The following IGSF10 variants were observed in gnomAD, a reference collection of about 807,000 sequenced individuals.
IGSF10 encodes calvaria mechanical force protein 608.
In IGSF10, 126 loss-of-function variants were observed where a neutral mutation model predicts 128.2. The observed-to-expected ratio is 0.98, with a 90% CI of 0.85 to 1.14. IGSF10 has a LOEUF of 1.14. IGSF10 is among the 50% of genes most tolerant of loss of function. IGSF10 has a pLI of 0.00. For missense variants in IGSF10, 3,295 were observed against 3,149.8 expected (o/e 1.05, Z -1.10); for synonymous variants, 1,185 against 1,146.2 (o/e 1.03, Z -0.68).
chr3:151,476,972 A>G, the IGSF10 span, among the ~76,000 whole-genome samples: 1 of 152,126 alleles, frequency 6.6e-6, no homozygotes, highest in East Asian at 1.9e-4. Context: ...GCAAAACCAA[A>G]ATTATGGGCA....
At chr3:151,616,918 C>T in the IGSF10 span, among the ~76,000 whole-genome samples, 1 of 152,146 alleles carries the variant, frequency 6.6e-6, no homozygotes, top group South Asian at 2.1e-4. Flanking sequence ...GGCCTTTTTA[C>T]AGGTAAGGAC....
chr3:151,442,696 A>C (rs1720933316), intron 7 of IGSF10, among the ~76,000 whole-genome samples: 1 of 152,046 alleles, frequency 6.6e-6, no homozygotes, highest in Non-Finnish European at 1.5e-5. Context: ...TCCTACAGTT[A>C]CTATTTTAAA....
chr3:151,497,949 A>G, the IGSF10 span, among the ~76,000 whole-genome samples: 2 of 152,166 alleles, frequency 1.3e-5, no homozygotes, highest in African/African-American at 4.8e-5. Flanking sequence ...ATTGTGAATG[A>G]GAGTTCACTC....
the IGSF10 span, among the ~76,000 whole-genome samples, chr3:151,601,326 C>T: frequency 6.6e-6 from 1 of 152,114 alleles, no homozygotes; most frequent in Non-Finnish European, 1.5e-5. Context: ...ATAGCAAAAA[C>T]AGAAAGAAAA....
the IGSF10 span, among the ~76,000 whole-genome samples, chr3:151,478,205 C>A: frequency 4.6e-5 from 7 of 152,164 alleles, no homozygotes; most frequent in East Asian, 1.3e-3. Context: ...CATAGGAACA[C>A]AGTCAGAAGG....
chr3:151,483,067 C>T, the IGSF10 span, among the ~76,000 whole-genome samples: 1 of 151,558 alleles, frequency 6.6e-6, no homozygotes, highest in East Asian at 1.9e-4. Flanking sequence ...CAAATGGAAA[C>T]AAAAAGATGA....
At position 151,447,986 on chromosome 3, in the gene IGSF10, T is replaced by C. The variant is rs1456648950; in HGVS notation, c.1995A>G (p.Lys665=). Residue 665 remains lysine, a synonymous_variant, in exon 6 of 8, where the codon AAA becomes AAG. Transcript: ENST00000282466. Reference sequence around the variant, plus strand: ...CATCATGCTCCAAGGGCCTTTGTCCTTTCATCTTGACTGAAACTTGGAAAA... The same window carrying C: ...CATCATGCTCCAAGGGCCTTTGTCCCTTCATCTTGACTGAAACTTGGAAAA... The part of the protein sequence containing the change: ...FLIFQVSVKM[K]GQRPLEHDGE... The C allele has an allele frequency of 6.2e-7, 1 of 1,614,210 alleles. No individual in the cohort carries two copies. The highest frequency in any genetic ancestry group is 8.5e-7 in the Non-Finnish European group (1 of 1,180,046).
chr3:151,470,633 T>C, the IGSF10 span, among the ~76,000 whole-genome samples: 784 of 152,286 alleles, frequency 5.1e-3, 9 homozygotes, highest in African/African-American at 0.018. Flanking sequence ...TTCATGAGTG[T>C]AACAATCAGG....
Position 151,453,673 on chromosome 3 carries a change from C to T in IGSF10, c.426G>A (p.Glu142=). 1 of 1,613,666 alleles carries T rather than the reference C, an allele frequency of 6.2e-7. No individual in the cohort carries two copies. The change falls in exon 5 of 8, where the codon GAG becomes GAA. Residue 142 remains glutamate (E), a synonymous_variant. Coordinates refer to ENST00000282466, the MANE Select transcript of IGSF10 (RefSeq NM_178822.5). ...CATAAAAAACCTCTGGGTTTATAAACTCAATATTGTTGTGGTCCATGTGCA... is the reference window on the plus strand; with the variant it reads ...CATAAAAAACCTCTGGGTTTATAAATTCAATATTGTTGTGGTCCATGTGCA... ...TRLHMDHNNI[E]FINPEVFYGL... is the part of the protein sequence containing the mutation.
At chr3:151,497,114 A>T in the IGSF10 span, among the ~76,000 whole-genome samples, 1 of 152,050 alleles carries the variant, frequency 6.6e-6, no homozygotes, top group Admixed American at 6.6e-5. Context: ...ATTTTCTCCC[A>T]TTCTGTAGGT....
chr3:151,523,273 A>G, the IGSF10 span, among the ~76,000 whole-genome samples: 3 of 152,184 alleles, frequency 2.0e-5, no homozygotes, highest in Non-Finnish European at 2.9e-5. Context: ...TGCTATTCCT[A>G]TCAAACTACC....
At chr3:151,510,185 G>T in the IGSF10 span, among the ~76,000 whole-genome samples, 1 of 152,194 alleles carries the variant, frequency 6.6e-6, no homozygotes, top group Non-Finnish European at 1.5e-5. Context: ...TCTTCAAGTG[G>T]GCCCCTGACG....
chr3:151,444,014 G>T, intron 6 of IGSF10, 130 bp from the exon 7 acceptor site: 1 of 711,190 alleles, frequency 1.4e-6, no homozygotes, highest in Non-Finnish European at 2.3e-6. Flanking sequence ...TGGCTCACTT[G>T]TATAATCCCA....
At chr3:151,493,852 AAAACAAAC>A in the IGSF10 span, among the ~76,000 whole-genome samples, 47,650 of 151,410 alleles carry the variant, frequency 0.31, 8,097 homozygotes, top group Middle Eastern at 0.41. Flanking sequence ...TTTTGTTTAA[AAAACAAAC>A]AAACAAACAA....
the IGSF10 span, among the ~76,000 whole-genome samples, chr3:151,522,963 C>T: frequency 5.3e-5 from 8 of 151,998 alleles, no homozygotes; most frequent in Non-Finnish European, 1.2e-4. Flanking sequence ...TCTCGTTCAG[C>T]TGATAAACAA....
At position 151,446,747 on chromosome 3, in the gene IGSF10, T is replaced by C. The variant is rs774581765; in HGVS notation, c.3234A>G (p.Ala1078=). The C allele has an allele frequency of 5.6e-6, 9 of 1,614,102 alleles. No homozygotes were observed. The East Asian group carries it at 8.9e-5, about 16-fold the overall frequency. ...TGGGAGCAGCACTTGGAAAAGACAA[T>C]GCTGCTGTGGCAGTGGTGAGCCTCT... The part of the protein sequence containing the change: ...PRERLTTATA[A]LSFPSAAPIT... Residue 1078 remains alanine (A), a synonymous_variant, in exon 6 of 8, where the codon GCA becomes GCG. Transcript: ENST00000282466.
At chr3:151,560,544 T>G in the IGSF10 span, among the ~76,000 whole-genome samples, 1 of 152,166 alleles carries the variant, frequency 6.6e-6, no homozygotes, top group South Asian at 2.1e-4. Context: ...AAGGTAGCGA[T>G]AAGTCATTTT....
At chr3:151,539,060 G>A in the IGSF10 span, among the ~76,000 whole-genome samples, 1 of 152,134 alleles carries the variant, frequency 6.6e-6, no homozygotes, top group East Asian at 1.9e-4. Context: ...GGCAGATGGC[G>A]ATCAAAATAT....
chr3:151,590,085 C>G, the IGSF10 span, among the ~76,000 whole-genome samples: 1 of 152,204 alleles, frequency 6.6e-6, no homozygotes, highest in African/African-American at 2.4e-5. Context: ...ATGGCCCAGG[C>G]TGGAGTGCAG....
Sources: gnomAD v4.1 joint callset for allele counts (sites outside exome capture counted in the v4.1 genomes callset) on GRCh38, gnomAD v4.1.1 for gene constraint, MANE v1.5 for transcripts, NCBI Gene and HGNC (gene_info 2026-07-23, HGNC 2026-07-21) for gene names.